The following SOX6 variants were observed in gnomAD, a reference collection of about 807,000 sequenced individuals.
SOX6 encodes the protein SRY-box transcription factor 6.
A neutral mutation model predicts 97.8 loss-of-function variants in SOX6; 11 were observed. The observed-to-expected ratio is 0.11, with a 90% CI of 0.07 to 0.19. The LOEUF (loss-of-function observed/expected upper bound fraction) is 0.19. SOX6 is among the 10% of genes least tolerant of loss of function. The pLI is 1.00. For synonymous variants in SOX6, 360 were observed against 371.4 expected (o/e 0.97, Z 0.35); for missense variants, 810 against 1,039.5 (o/e 0.78, Z 3.04).
chr11:16,554,761 G>A (rs911092247), intron 4 of SOX6, among the ~76,000 whole-genome samples: 1 of 151,968 alleles, frequency 6.6e-6, no homozygotes, highest in Admixed American at 6.6e-5. Flanking sequence ...TCGAGAAGGA[G>A]GTCAGTCTGA....
At chr11:16,690,074 G>A (rs539522328) in intron 3 of SOX6, among the ~76,000 whole-genome samples, 67 of 152,022 alleles carry the variant, frequency 4.4e-4, no homozygotes, top group African/African-American at 1.3e-3. Context: ...ACAAATGTGC[G>A]CCACCACACC....
intron 4 of SOX6, among the ~76,000 whole-genome samples, chr11:16,596,168 A>G (rs1848211215): frequency 6.6e-6 from 1 of 152,238 alleles, no homozygotes; most frequent in African/African-American, 2.4e-5. Context: ...AAAGTGTATT[A>G]CAGTGTAAGA....
chr11:16,455,733 T>C (rs1859798853), intron 1 of SOX6, among the ~76,000 whole-genome samples: 1 of 152,074 alleles, frequency 6.6e-6, no homozygotes, highest in Non-Finnish European at 1.5e-5. Context: ...CCATTGGCAT[T>C]TTAATACAAG....
chr11:16,101,995 C>T (rs990024757), intron 7 of SOX6, among the ~76,000 whole-genome samples: 10 of 151,852 alleles, frequency 6.6e-5, no homozygotes, highest in Non-Finnish European at 1.5e-4. Flanking sequence ...ACTTTAACCA[C>T]TTCTATTCAA....
At chr11:16,073,012 G>C (rs1848262195) in intron 9 of SOX6, among the ~76,000 whole-genome samples, 1 of 152,150 alleles carries the variant, frequency 6.6e-6, no homozygotes, top group East Asian at 1.9e-4. Context: ...ACGCAGACTA[G>C]TGACAGTATA....
chr11:16,413,035 G>C (rs1858853677), intron 1 of SOX6, among the ~76,000 whole-genome samples: 1 of 152,188 alleles, frequency 6.6e-6, no homozygotes, highest in Non-Finnish European at 1.5e-5. Context: ...CAGAACAAAT[G>C]CTGCATAGTG....
intron 4 of SOX6, among the ~76,000 whole-genome samples, chr11:16,558,589 C>A (rs1057023998): frequency 6.6e-6 from 1 of 151,986 alleles, no homozygotes; most frequent in Non-Finnish European, 1.5e-5. Flanking sequence ...AATATCTCTT[C>A]TTTCTCAAGA....
intron 4 of SOX6, among the ~76,000 whole-genome samples, chr11:16,187,552 T>C (rs1384265293): frequency 1.3e-5 from 2 of 152,144 alleles, no homozygotes; most frequent in Admixed American, 6.6e-5. Context: ...ATTTTTTTTT[T>C]TCCTGAGAAA....
At chr11:16,439,558 T>G (rs1426336847) in intron 1 of SOX6, among the ~76,000 whole-genome samples, 1 of 152,170 alleles carries the variant, frequency 6.6e-6, no homozygotes, top group Non-Finnish European at 1.5e-5. Context: ...TTCCAACTGA[T>G]CTGAATGAAT....
intron 4 of SOX6, among the ~76,000 whole-genome samples, chr11:16,597,707 T>G (rs1848227730): frequency 6.6e-6 from 1 of 152,010 alleles, no homozygotes; most frequent in African/African-American, 2.4e-5. Context: ...TTATAAAATC[T>G]CCTTTTGGCA....
chr11:16,386,174 T>C (rs1051043982), intron 1 of SOX6, among the ~76,000 whole-genome samples: 4 of 152,056 alleles, frequency 2.6e-5, no homozygotes, highest in Non-Finnish European at 5.9e-5. Flanking sequence ...TTCTTATACA[T>C]GTGGTTTTGC....
intron 6 of SOX6, among the ~76,000 whole-genome samples, chr11:16,150,882 C>T (rs922972501): frequency 6.6e-6 from 1 of 152,100 alleles, no homozygotes; most frequent in Non-Finnish European, 1.5e-5. Flanking sequence ...CCCTGGGAAG[C>T]AAAAGCCACT....
intron 6 of SOX6, among the ~76,000 whole-genome samples, chr11:16,178,368 A>C (rs1045912780): frequency 1.3e-5 from 2 of 152,094 alleles, no homozygotes; most frequent in Middle Eastern, 3.4e-3. Flanking sequence ...ATGACTTTTA[A>C]AGTTAATTAG....
At chr11:16,005,650 T>C (rs760068324) in intron 13 of SOX6, among the ~76,000 whole-genome samples, 1 of 152,026 alleles carries the variant, frequency 6.6e-6, no homozygotes, top group Non-Finnish European at 1.5e-5. Context: ...AGAGTCAGCT[T>C]ATATTGAAGC....
At chr11:16,461,075 A>G (rs931245861) in intron 1 of SOX6, among the ~76,000 whole-genome samples, 1 of 152,138 alleles carries the variant, frequency 6.6e-6, no homozygotes, top group Non-Finnish European at 1.5e-5. Flanking sequence ...GATCTAATTT[A>G]TGAGATGGAA....
intron 4 of SOX6, among the ~76,000 whole-genome samples, chr11:16,214,442 T>C (rs189398440): frequency 1.3e-5 from 2 of 152,306 alleles, no homozygotes; most frequent in East Asian, 3.9e-4. Context: ...CAGAGCTTAC[T>C]TTTTGACACT....
intron 1 of SOX6, among the ~76,000 whole-genome samples, chr11:16,449,011 G>T (rs886632155): frequency 6.6e-6 from 1 of 152,102 alleles, no homozygotes. Flanking sequence ...TTCAGCCCAC[G>T]TGACAGAATG....
At chr11:16,275,285 C>CAAAAAAAAA (rs869208945) in intron 3 of SOX6, among the ~76,000 whole-genome samples, 21 of 122,944 alleles carry the variant, frequency 1.7e-4, no homozygotes, top group African/African-American at 3.3e-4. Context: ...ACCAAAAATA[C>CAAAAAAAAA]AAAAAAAAAA....
At chr11:16,202,676 TAC>T (rs1224329235) in intron 4 of SOX6, among the ~76,000 whole-genome samples, 1 of 152,134 alleles carries the variant, frequency 6.6e-6, no homozygotes, top group Non-Finnish European at 1.5e-5. Context: ...AGAACTGAAC[TAC>T]ACTTGAGTTC....
Sources: allele counts gnomAD v4.1 joint callset (sites outside exome capture counted in the v4.1 genomes callset), GRCh38; gene constraint gnomAD v4.1.1; transcripts MANE v1.5; gene names NCBI Gene and HGNC (gene_info 2026-07-23, HGNC 2026-07-21).